NALF1: variants seen among roughly 807,000 people sequenced by gnomAD.
NALF1 encodes the protein NALCN channel auxiliary factor 1, also known as family with sequence similarity 155 member A.
In NALF1, 3 loss-of-function variants were observed where a neutral mutation model predicts 48.4. That is an observed-to-expected ratio of 0.06 (90% confidence interval 0.03 to 0.16). The LOEUF is 0.16. NALF1 is among the 10% of genes least tolerant of loss of function. The pLI is 1.00. For synonymous variants in NALF1, 262 were observed against 245.7 expected (o/e 1.07, Z -0.62); for missense variants, 526 against 571.5 (o/e 0.92, Z 0.81).
intron 1 of NALF1, among the ~76,000 whole-genome samples, chr13:107,667,315 A>G (rs1172407916): frequency 6.6e-6 from 1 of 152,020 alleles, no homozygotes; most frequent in African/African-American, 2.4e-5. Flanking sequence ...GAAAATATTT[A>G]TATCCTTCAA....
chr13:107,587,751 GACTA>G (rs1449253067), intron 1 of NALF1, among the ~76,000 whole-genome samples: 8 of 152,112 alleles, frequency 5.3e-5, no homozygotes, highest in Admixed American at 1.3e-4. Context: ...ATCAACACTT[GACTA>G]ACTTATTATT....
intron 1 of NALF1, among the ~76,000 whole-genome samples, chr13:107,239,370 G>C (rs998700517): frequency 3.3e-5 from 5 of 152,168 alleles, no homozygotes; most frequent in African/African-American, 1.2e-4. Flanking sequence ...CTTCACGCCA[G>C]TCTCTGCCTC....
intron 1 of NALF1, among the ~76,000 whole-genome samples, chr13:107,597,666 GTACAA>G (rs543821600): frequency 9.0e-4 from 136 of 151,388 alleles, no homozygotes; most frequent in African/African-American, 2.9e-3. Context: ...ATATTAGATA[GTACAA>G]TACAATTGTA....
At chr13:107,656,038 A>T (rs1374246275) in intron 1 of NALF1, among the ~76,000 whole-genome samples, 1 of 152,106 alleles carries the variant, frequency 6.6e-6, no homozygotes, top group Non-Finnish European at 1.5e-5. Flanking sequence ...TAAATCTAAG[A>T]CCTGAAATCA....
intron 1 of NALF1, among the ~76,000 whole-genome samples, chr13:107,678,230 G>A (rs1881183304): frequency 6.6e-6 from 1 of 152,120 alleles, no homozygotes; most frequent in African/African-American, 2.4e-5. Context: ...CCACAGACAG[G>A]AGGACATGGT....
intron 1 of NALF1, among the ~76,000 whole-genome samples, chr13:107,297,707 G>A (rs1313955376): frequency 6.6e-6 from 1 of 152,122 alleles, no homozygotes; most frequent in African/African-American, 2.4e-5. Flanking sequence ...CCCACTTACT[G>A]CTTAAGTTTC....
At chr13:107,212,548 C>T (rs1455699554) in intron 1 of NALF1, among the ~76,000 whole-genome samples, 3 of 152,046 alleles carry the variant, frequency 2.0e-5, no homozygotes, top group South Asian at 2.1e-4. Context: ...GAGGTGGTGC[C>T]GGCAGCAAGA....
chr13:107,531,969 A>G (rs138794760), intron 1 of NALF1, among the ~76,000 whole-genome samples: 2 of 152,094 alleles, frequency 1.3e-5, no homozygotes, highest in African/African-American at 4.8e-5. Flanking sequence ...CTTTTTCACA[A>G]TCAAGTTCAT....
At chr13:107,316,275 A>G (rs1200112154) in intron 1 of NALF1, among the ~76,000 whole-genome samples, 1 of 151,998 alleles carries the variant, frequency 6.6e-6, no homozygotes, top group East Asian at 1.9e-4. Context: ...TATGTGCCAC[A>G]TTTTCTTAAT....
intron 1 of NALF1, among the ~76,000 whole-genome samples, chr13:107,667,111 C>A (rs1880879380): frequency 6.6e-6 from 1 of 151,986 alleles, no homozygotes; most frequent in Non-Finnish European, 1.5e-5. Flanking sequence ...ATCTTGATCC[C>A]AATTCTCCTT....
In NALF1 at chr13:107,208,153, T is replaced by A. The variant is rs75241513; in HGVS notation, c.1087+2431A>T. Among the ~76,000 whole-genome samples, 1,485 of 152,322 alleles carry A rather than the reference T, an allele frequency of 9.7e-3. 36 individuals are homozygous for A. The highest frequency in any genetic ancestry group is 0.058 in the East Asian group (298 of 5,180). On this transcript the variant is annotated intron_variant, in intron 2 of 2. Transcript: ENST00000375915. ...ATAACCTCAGAATTTATTCCATATA[T>A]TTTCGAGCAATTTAAACATAAAATG...
chr13:107,169,958 ATTTT>A lies in NALF1; in HGVS notation c.*535_*538del, dbSNP rs11302786. The A allele has an allele frequency of 6.6e-6, 1 of 151,892 alleles. No individual in the cohort carries two copies. The highest frequency in any genetic ancestry group is 1.5e-5 in the Non-Finnish European group (1 of 67,952). 9.4% of individuals were successfully genotyped at this position (151,892 alleles called of 1,614,324 possible). On this transcript the variant is annotated 3_prime_UTR_variant, in exon 3 of 3. Coordinates refer to ENST00000375915, the MANE Select transcript of NALF1 (RefSeq NM_001080396.3). ...AGACTTAGGGATTTTTTTTATTTTT[ATTTT>A]TTTGTTGTTTTCTTTTTTTTGTCTT...
At chr13:107,214,065 T>C (rs1879823221) in intron 1 of NALF1, among the ~76,000 whole-genome samples, 1 of 152,204 alleles carries the variant, frequency 6.6e-6, no homozygotes, top group African/African-American at 2.4e-5. Flanking sequence ...TCTTCAAATG[T>C]GCCGAGTTCT....
chr13:107,798,795 C>G (rs944390270), intron 1 of NALF1, among the ~76,000 whole-genome samples: 1 of 152,202 alleles, frequency 6.6e-6, no homozygotes, highest in Non-Finnish European at 1.5e-5. Flanking sequence ...ACTTTGAATA[C>G]AGTCTGTAGT....
rs1441176381 is a variant in NALF1, at chr13:107,167,989, A to G, written c.*2508T>C. On this transcript the variant is annotated 3_prime_UTR_variant, in exon 3 of 3. Transcript: ENST00000375915. Reference sequence around the variant, plus strand: ...TCGTCATTTTGCTAAGTGTTTAGAAAGAATAATTTATTGTCATACCAATAA... The same window carrying G: ...TCGTCATTTTGCTAAGTGTTTAGAAGGAATAATTTATTGTCATACCAATAA... 6.6e-6 allele frequency: 1 copy of G among 152,234 alleles called. No homozygotes were observed. The highest frequency in any genetic ancestry group is 1.5e-5 in the Non-Finnish European group (1 of 68,040). 9.4% of individuals were successfully genotyped at this position (152,234 alleles called of 1,614,324 possible).
At chr13:107,564,031 G>A (rs1217916845) in intron 1 of NALF1, among the ~76,000 whole-genome samples, 1 of 152,098 alleles carries the variant, frequency 6.6e-6, no homozygotes, top group Non-Finnish European at 1.5e-5. Flanking sequence ...GTTCAGGAGA[G>A]CAGCATTTTC....
intron 1 of NALF1, among the ~76,000 whole-genome samples, chr13:107,419,140 G>C (rs1309327671): frequency 6.6e-6 from 1 of 152,154 alleles, no homozygotes; most frequent in Non-Finnish European, 1.5e-5. Context: ...GTGTTGACTA[G>C]ATTTATTTTC....
At chr13:107,670,111 T>A (rs1182593162) in intron 1 of NALF1, among the ~76,000 whole-genome samples, 1 of 152,110 alleles carries the variant, frequency 6.6e-6, no homozygotes, top group Non-Finnish European at 1.5e-5. Context: ...CACATTAAAA[T>A]TACTGAAAAG....
At chr13:107,396,280 C>T (rs1883710610) in intron 1 of NALF1, among the ~76,000 whole-genome samples, 1 of 152,116 alleles carries the variant, frequency 6.6e-6, no homozygotes, top group Admixed American at 6.5e-5. Flanking sequence ...GTAAGGGCAT[C>T]AACATAAAAA....
Sources: allele counts gnomAD v4.1 joint callset (sites outside exome capture counted in the v4.1 genomes callset), GRCh38; gene constraint gnomAD v4.1.1; transcripts MANE v1.5; gene names NCBI Gene and HGNC (gene_info 2026-07-23, HGNC 2026-07-21).